AP3S2: variants seen among roughly 807,000 people sequenced by gnomAD.
AP3S2 encodes AP-3 complex subunit sigma-2.
AP3S2 carries 22 observed loss-of-function variants against 23.4 expected under a neutral mutation model. The observed-to-expected ratio is 0.94, with a 90% CI of 0.67 to 1.34. AP3S2 has a LOEUF of 1.34. AP3S2 is among the 40% of genes most tolerant of loss of function. The probability of loss-of-function intolerance (pLI) is 0.00; values close to 1 mark genes in which losing one functional copy is unlikely to be tolerated. For synonymous variants in AP3S2, 86 were observed against 87.1 expected, an observed-to-expected ratio of 0.99 and a Z score of 0.07; for missense variants, 241 against 236.9, an observed-to-expected ratio of 1.02 and a Z score of -0.11.
intron 4 of AP3S2, among the ~76,000 whole-genome samples, chr15:89,851,216 T>C (rs2141850981): frequency 6.6e-6 from 1 of 152,306 alleles, no homozygotes. Context: ...TACAAAGTAC[T>C]ATGTTATTTC....
intron 3 of AP3S2, among the ~76,000 whole-genome samples, chr15:89,875,521 T>C (rs965929555): frequency 6.6e-6 from 1 of 152,138 alleles, no homozygotes; most frequent in African/African-American, 2.4e-5. Context: ...CAGACTCAGG[T>C]AGGAAAATAA....
At chr15:89,879,080 T>C (rs1258750538) in intron 3 of AP3S2, among the ~76,000 whole-genome samples, 2 of 152,252 alleles carry the variant, frequency 1.3e-5, no homozygotes, top group African/African-American at 4.8e-5. Context: ...AGTCTCACTA[T>C]GCTGCCCAGG....
chr15:89,862,877 T>C (rs1415920723), intron 4 of AP3S2, among the ~76,000 whole-genome samples: 1 of 152,096 alleles, frequency 6.6e-6, no homozygotes, highest in African/African-American at 2.4e-5. Flanking sequence ...ATTACCTACA[T>C]AGATAATAGT....
chr15:89,867,955 C>T (rs989698294), intron 4 of AP3S2, among the ~76,000 whole-genome samples: 9 of 148,906 alleles, frequency 6.0e-5, no homozygotes, highest in African/African-American at 2.2e-4. Flanking sequence ...CCAGCCGCCC[C>T]ATCCGGCCAG....
rs372901296 is a variant in AP3S2, at chr15:89,871,456, G to T, written c.345+19C>A. ...TTTCTAGTAACCCTAGTTTGGAAGA[G>T]AACTGCAAGAGAATATACCTTATCC... On this transcript the variant is annotated intron_variant, in intron 4 of 5. Transcript: ENST00000336418. The T allele has an allele frequency of 3.1e-6, 5 of 1,606,100 alleles. No homozygotes were observed. In the Admixed American group the frequency reaches 8.5e-5, roughly 27 times the overall value.
chr15:89,854,417 C>T (rs1895755997), intron 4 of AP3S2, among the ~76,000 whole-genome samples: 1 of 54,418 alleles, frequency 1.8e-5, no homozygotes, highest in Non-Finnish European at 4.0e-5. Flanking sequence ...TCCGCCCGGC[C>T]AGCCGCCCCG....
At chr15:89,844,209 CTCTTTCTTTCTTTCTTTCTT>C (rs71151535) in intron 4 of AP3S2, among the ~76,000 whole-genome samples, 1,803 of 129,180 alleles carry the variant, frequency 0.014, 23 homozygotes, top group Non-Finnish European at 0.017. Flanking sequence ...TTCTTTCTTT[CTCTTTCTTTCTTTCTTTCTT>C]TCTTTCTTTC....
intron 4 of AP3S2, among the ~76,000 whole-genome samples, chr15:89,860,069 T>C (rs1895977544): frequency 6.6e-6 from 1 of 152,160 alleles, no homozygotes; most frequent in African/African-American, 2.4e-5. Context: ...CCAGCCGATC[T>C]CTGTCTTTAT....
intron 4 of AP3S2, among the ~76,000 whole-genome samples, chr15:89,867,676 T>A (rs28537670): frequency 8.0e-6 from 1 of 125,224 alleles, no homozygotes; most frequent in Non-Finnish European, 1.7e-5. Flanking sequence ...CCCATCTGGG[T>A]TGTGAGGAGC....
intron 1 of AP3S2, among the ~76,000 whole-genome samples, chr15:89,892,924 A>C (rs552512382): frequency 1.3e-5 from 2 of 152,330 alleles, no homozygotes; most frequent in African/African-American, 4.8e-5. Flanking sequence ...TCGGCCTCCC[A>C]AAGTGCTGGG....
intron 4 of AP3S2, among the ~76,000 whole-genome samples, chr15:89,840,364 G>A (rs1227425006): frequency 6.6e-6 from 1 of 152,114 alleles, no homozygotes; most frequent in Non-Finnish European, 1.5e-5. Context: ...AGTACTTTAT[G>A]TAACTTACCT....
At chr15:89,849,684 T>TA (rs996668040) in intron 4 of AP3S2, among the ~76,000 whole-genome samples, 19 of 151,252 alleles carry the variant, frequency 1.3e-4, no homozygotes, top group East Asian at 1.9e-4. Flanking sequence ...TGTACTTTTT[T>TA]AAAAAAAAAT....
At chr15:89,872,696 C>A (rs1320193923) in intron 3 of AP3S2, among the ~76,000 whole-genome samples, 3 of 152,176 alleles carry the variant, frequency 2.0e-5, no homozygotes, top group Non-Finnish European at 4.4e-5. Flanking sequence ...GGCAAACCAC[C>A]CTGCAGCGGC....
chr15:89,845,681 A>G (rs77296199), intron 4 of AP3S2: 2 of 152,206 alleles, frequency 1.3e-5, no homozygotes, highest in African/African-American at 4.8e-5. Context: ...TAAAGTCACA[A>G]ACCAACACAG....
chr15:89,845,508 G>C (rs1304512050), intron 4 of AP3S2: 1 of 152,208 alleles, frequency 6.6e-6, no homozygotes, highest in Non-Finnish European at 1.5e-5. Flanking sequence ...ATGGGTGTGG[G>C]AGCAAGCAGT....
At chr15:89,871,374 A>C in intron 4 of AP3S2, 101 bp downstream of exon 4, 1 of 1,146,246 alleles carries the variant, frequency 8.7e-7, no homozygotes, top group Non-Finnish European at 1.2e-6. Flanking sequence ...AGAGTAAAAA[A>C]AAACAAGAAA....
At chr15:89,889,752 T>C (rs923640929) in intron 1 of AP3S2, among the ~76,000 whole-genome samples, 3 of 150,630 alleles carry the variant, frequency 2.0e-5, no homozygotes, top group African/African-American at 7.3e-5. Context: ...TAATCCCAGC[T>C]ACTCGGGAGG....
At chr15:89,879,520 A>C (rs1896521677) in intron 3 of AP3S2, among the ~76,000 whole-genome samples, 1 of 152,222 alleles carries the variant, frequency 6.6e-6, no homozygotes, top group Non-Finnish European at 1.5e-5. Context: ...CACACCGTCA[A>C]AAAAAACTGC....
chr15:89,883,607 G>A (rs954218943), intron 3 of AP3S2, among the ~76,000 whole-genome samples: 7 of 152,020 alleles, frequency 4.6e-5, no homozygotes, highest in Admixed American at 1.3e-4. Flanking sequence ...TTGAACTCCT[G>A]AGCTCAAGTG....
Sources: allele counts gnomAD v4.1 joint callset (sites outside exome capture counted in the v4.1 genomes callset), GRCh38; gene constraint gnomAD v4.1.1; transcripts MANE v1.5; gene names NCBI Gene and HGNC (gene_info 2026-07-23, HGNC 2026-07-21).